ENOX1: variants seen among roughly 807,000 people sequenced by gnomAD.
ENOX1 encodes ecto-NOX disulfide-thiol exchanger 1.
ENOX1 carries 42 observed loss-of-function variants against 82.5 expected under a neutral mutation model. The observed-to-expected ratio is 0.51, with a 90% confidence interval of 0.40 to 0.66. The LOEUF is 0.66. ENOX1 is among the 30% of genes least tolerant of loss of function. ENOX1 has a pLI of 0.00. For synonymous variants in ENOX1, 271 were observed against 282.2 expected, an observed-to-expected ratio of 0.96 and a Z score of 0.40; for missense variants, 608 against 811.6, an observed-to-expected ratio of 0.75 and a Z score of 3.05.
intron 5 of ENOX1, among the ~76,000 whole-genome samples, chr13:43,379,591 CAAAG>C (rs1021934014): frequency 4.0e-5 from 6 of 151,688 alleles, no homozygotes; most frequent in African/African-American, 1.5e-4. Context: ...TTAGTAAACT[CAAAG>C]AAAAGCAATA....
intron 5 of ENOX1, among the ~76,000 whole-genome samples, chr13:43,376,626 TA>T (rs2051652107): frequency 6.6e-6 from 1 of 152,202 alleles, no homozygotes; most frequent in Non-Finnish European, 1.5e-5. Flanking sequence ...TACCCAGAGT[TA>T]TATGACTGAC....
chr13:43,327,335 T>C (rs4941455), intron 9 of ENOX1, among the ~76,000 whole-genome samples: 125,453 of 152,148 alleles, frequency 0.82, 51,769 homozygotes, highest in South Asian at 0.91. Flanking sequence ...CTAACTCTAT[T>C]ATCTTGACTT....
At chr13:43,711,495 T>C (rs1476944513) in intron 1 of ENOX1, among the ~76,000 whole-genome samples, 8 of 152,008 alleles carry the variant, frequency 5.3e-5, no homozygotes, top group Non-Finnish European at 1.0e-4. Context: ...GGAATCACCA[T>C]ACTGACTTCC....
At chr13:43,648,772 C>T (rs868730765) in intron 2 of ENOX1, among the ~76,000 whole-genome samples, 31 of 152,300 alleles carry the variant, frequency 2.0e-4, no homozygotes, top group Middle Eastern at 3.4e-3. Flanking sequence ...ATTTTATGAA[C>T]AGTGTAAAGG....
chr13:43,630,754 T>C (rs2083169759), intron 2 of ENOX1, among the ~76,000 whole-genome samples: 1 of 152,000 alleles, frequency 6.6e-6, no homozygotes, highest in Non-Finnish European at 1.5e-5. Context: ...CACATAATAC[T>C]ATCTAGCTAT....
At chr13:43,459,576 A>T (rs1447211175) in intron 3 of ENOX1, 1 of 152,216 alleles carries the variant, frequency 6.6e-6, no homozygotes, top group Non-Finnish European at 1.5e-5. Context: ...CACTGGGACT[A>T]AAAGGATGTA....
intron 1 of ENOX1, among the ~76,000 whole-genome samples, chr13:43,716,637 A>G (rs1301466862): frequency 6.6e-6 from 1 of 152,176 alleles, no homozygotes; most frequent in Non-Finnish European, 1.5e-5. Context: ...AAAAGCCTAA[A>G]GACTCCACCA....
chr13:43,381,996 T>C (rs1009583406), intron 5 of ENOX1, among the ~76,000 whole-genome samples: 1 of 152,036 alleles, frequency 6.6e-6, no homozygotes, highest in Non-Finnish European at 1.5e-5. Flanking sequence ...TTAAAGGGTA[T>C]ACCTTCCAAT....
At chr13:43,646,749 T>C (rs373869514) in intron 2 of ENOX1, among the ~76,000 whole-genome samples, 3 of 152,152 alleles carry the variant, frequency 2.0e-5, no homozygotes, top group Admixed American at 2.0e-4. Context: ...AAAAGCCAGA[T>C]AGAGTCTTGG....
At chr13:43,504,470 A>G (rs771827488) in intron 2 of ENOX1, among the ~76,000 whole-genome samples, 1 of 151,866 alleles carries the variant, frequency 6.6e-6, no homozygotes, top group Non-Finnish European at 1.5e-5. Context: ...TATACATACA[A>G]TGGGATATTA....
chr13:43,375,664 C>T (rs1382511654), intron 5 of ENOX1, among the ~76,000 whole-genome samples: 1 of 152,156 alleles, frequency 6.6e-6, no homozygotes, highest in African/African-American at 2.4e-5. Flanking sequence ...TGTGGACTTC[C>T]TCAGTGAAAG....
chr13:43,499,317 A>G (rs905679502), intron 2 of ENOX1, among the ~76,000 whole-genome samples: 1 of 152,220 alleles, frequency 6.6e-6, no homozygotes, highest in Non-Finnish European at 1.5e-5. Flanking sequence ...AGTTAATTGT[A>G]TTGTGTAAAT....
intron 12 of ENOX1, among the ~76,000 whole-genome samples, chr13:43,297,097 C>T (rs1292819967): frequency 6.6e-6 from 1 of 152,208 alleles, no homozygotes; most frequent in Admixed American, 6.5e-5. Context: ...CTGTGAACAT[C>T]AACCAGTTAG....
intron 2 of ENOX1, among the ~76,000 whole-genome samples, chr13:43,515,966 C>G (rs2153679562): frequency 6.6e-6 from 1 of 152,254 alleles, no homozygotes; most frequent in African/African-American, 2.4e-5. Context: ...GCACACAAGC[C>G]TCCTGGCACT....
At chr13:43,746,413 G>T (rs192540606) in intron 1 of ENOX1, among the ~76,000 whole-genome samples, 2 of 152,202 alleles carry the variant, frequency 1.3e-5, no homozygotes, top group African/African-American at 2.4e-5. Flanking sequence ...GGTAACGAGG[G>T]TTAAAATTTA....
At chr13:43,256,840 A>G (rs543034136) in intron 14 of ENOX1, among the ~76,000 whole-genome samples, 1 of 152,316 alleles carries the variant, frequency 6.6e-6, no homozygotes, top group African/African-American at 2.4e-5. Context: ...AAATCAATAT[A>G]CCAAAGAGAT....
At chr13:43,532,704 G>A (rs1178077375) in intron 2 of ENOX1, among the ~76,000 whole-genome samples, 1 of 152,006 alleles carries the variant, frequency 6.6e-6, no homozygotes, top group African/African-American at 2.4e-5. Flanking sequence ...GAATAGTAAT[G>A]CAGCTACGAG....
At chr13:43,321,071 G>A (rs1006618132) in intron 11 of ENOX1, 1 of 456,106 alleles carries the variant, frequency 2.2e-6, no homozygotes, top group Non-Finnish European at 4.4e-6. Context: ...AGAAAATAGT[G>A]GCATGGTGCC....
intron 10 of ENOX1, among the ~76,000 whole-genome samples, chr13:43,323,774 A>T (rs1479464297): frequency 6.6e-6 from 1 of 152,264 alleles, no homozygotes; most frequent in Non-Finnish European, 1.5e-5. Flanking sequence ...CTGATTTATT[A>T]GGGGCATGAC....
Sources: gnomAD v4.1 joint callset for allele counts (sites outside exome capture counted in the v4.1 genomes callset) on GRCh38, gnomAD v4.1.1 for gene constraint, MANE v1.5 for transcripts, NCBI Gene and HGNC (gene_info 2026-07-23, HGNC 2026-07-21) for gene names.